The following PLCE1 variants were observed in gnomAD, a reference collection of about 807,000 sequenced individuals.
The protein encoded by PLCE1 is 1-phosphatidylinositol 4,5-bisphosphate phosphodiesterase epsilon-1.
PLCE1 carries 119 observed loss-of-function variants against 242.8 expected under a neutral mutation model. The ratio of observed to expected loss-of-function variants is 0.49; its 90% confidence interval spans 0.42 to 0.57. PLCE1 has a LOEUF of 0.57. Among genes scored for constraint, PLCE1 ranks in the 20% least tolerant of loss-of-function variants. The probability of loss-of-function intolerance (pLI) is 0.00; values close to 1 mark genes in which losing one functional copy is unlikely to be tolerated. For missense variants in PLCE1, 2,441 were observed against 2,788.8 expected (o/e 0.88, Z 2.81); for synonymous variants, 945 against 1,017.4 (o/e 0.93, Z 1.35).
At chr10:94,191,236 C>T (rs1291760866) in intron 4 of PLCE1, among the ~76,000 whole-genome samples, 1 of 152,192 alleles carries the variant, frequency 6.6e-6, no homozygotes, top group Non-Finnish European at 1.5e-5. Flanking sequence ...CATTACTCTC[C>T]TCTCCCTAAA....
At chr10:94,281,114 A>G (rs899705038) in intron 20 of PLCE1, among the ~76,000 whole-genome samples, 1 of 152,202 alleles carries the variant, frequency 6.6e-6, no homozygotes, top group Admixed American at 6.6e-5. Flanking sequence ...TGGGAATGTG[A>G]ATTTTTTATA....
At chr10:93,996,450 G>T (rs2060825263) in intron 1 of PLCE1, among the ~76,000 whole-genome samples, 1 of 152,190 alleles carries the variant, frequency 6.6e-6, no homozygotes, top group Admixed American at 6.5e-5. Flanking sequence ...GGGGTGGAAG[G>T]TTCTGATAGG....
At chr10:94,065,672 G>A (rs1417208118) in intron 2 of PLCE1, among the ~76,000 whole-genome samples, 1 of 152,154 alleles carries the variant, frequency 6.6e-6, no homozygotes, top group Non-Finnish European at 1.5e-5. Flanking sequence ...TTATACAAAA[G>A]AAGGCCTTTA....
At chr10:94,252,606 G>C in intron 9 of PLCE1, 108 bp downstream of exon 9, 1 of 942,318 alleles carries the variant, frequency 1.1e-6, no homozygotes. Flanking sequence ...ACAAAGTCAG[G>C]TATAAAATAG....
At chr10:94,302,183 C>A (rs533484484) in intron 24 of PLCE1, among the ~76,000 whole-genome samples, 1 of 152,086 alleles carries the variant, frequency 6.6e-6, no homozygotes, top group Non-Finnish European at 1.5e-5. Flanking sequence ...TCAAACCGTG[C>A]GGCTCTACGT....
chr10:94,060,331 A>G (rs1406994154), intron 2 of PLCE1, among the ~76,000 whole-genome samples: 1 of 152,226 alleles, frequency 6.6e-6, no homozygotes, highest in Non-Finnish European at 1.5e-5. Context: ...TCAATACATT[A>G]GGAATACTAT....
intron 1 of PLCE1, among the ~76,000 whole-genome samples, chr10:94,004,805 G>A (rs535936614): frequency 6.6e-6 from 1 of 152,236 alleles, no homozygotes; most frequent in Non-Finnish European, 1.5e-5. Flanking sequence ...GGTCCCCACA[G>A]CAACTGCCCA....
In PLCE1 at chr10:94,130,781, T is replaced by C. The variant is rs573260372; in HGVS notation, c.1207-1393T>C. Among the ~76,000 whole-genome samples, 7 of 152,318 alleles carry C rather than the reference T, an allele frequency of 4.6e-5. No individual in the cohort carries two copies. The East Asian group carries it at 1.2e-3, about 25-fold the overall frequency. On this transcript the variant is annotated intron_variant, in intron 2 of 32. Transcript: ENST00000371380. ...TAGGGTCTACACAGTTTGAATATCA[T>C]AGGACTCGGTGCATTCTGGGGTATC...
At chr10:94,221,771 A>AG (rs1436482747) in intron 4 of PLCE1, among the ~76,000 whole-genome samples, 1 of 152,166 alleles carries the variant, frequency 6.6e-6, no homozygotes, top group East Asian at 1.9e-4. Context: ...GAAGGAAAGT[A>AG]GCTCTGTCTA....
chr10:94,095,707 T>TC (rs1277234464), intron 2 of PLCE1, among the ~76,000 whole-genome samples: 1 of 152,172 alleles, frequency 6.6e-6, no homozygotes, highest in East Asian at 1.9e-4. Flanking sequence ...ACTAGCCACT[T>TC]CAAGTAAGCT....
Position 94,229,882 on chromosome 10 carries a change from C to T in PLCE1, c.1955+2431C>T, listed in dbSNP as rs1049600224. The stretch of plus-strand genomic sequence containing the variant: ...TACAGATAGATAGGCGAAAGTACCA[C>T]GTATAATAGGTCTTTTGTTGACAGC... On this transcript the variant is annotated intron_variant, in intron 5 of 32. Transcript: ENST00000371380. Among the ~76,000 whole-genome samples the T allele has an allele frequency of 3.3e-5, 5 of 152,158 alleles. No homozygotes were observed. In the South Asian group the frequency reaches 8.3e-4, roughly 25 times the overall value.
chr10:94,294,082 G>A (rs1008812716), intron 23 of PLCE1, among the ~76,000 whole-genome samples: 6 of 152,062 alleles, frequency 3.9e-5, no homozygotes, highest in African/African-American at 1.4e-4. Context: ...ACCCCAGCCT[G>A]GGTGACAGAG....
chr10:94,046,198 A>C (rs11187777), intron 2 of PLCE1, among the ~76,000 whole-genome samples: 34,630 of 152,094 alleles, frequency 0.23, 4,239 homozygotes, highest in East Asian at 0.44. Context: ...GTTTCTTTCC[A>C]TCCTTCACTT....
In PLCE1 at chr10:94,163,915, T is replaced by G. The variant is rs374348338; in HGVS notation, c.1493-7265T>G. Among the ~76,000 whole-genome samples, 28 of 152,286 alleles carry G rather than the reference T, an allele frequency of 1.8e-4. No homozygotes were observed. The East Asian group carries it at 5.2e-3, about 28-fold the overall frequency. ...TTATTTCTCCTTCACTTATGAAGCT[T>G]AGTTTGGCTGGATATGAAATTCTGG... On this transcript the variant is annotated intron_variant, in intron 3 of 32. Coordinates refer to ENST00000371380, the MANE Select transcript of PLCE1 (RefSeq NM_016341.4).
Position 94,114,298 on chromosome 10 carries a change from C to T in PLCE1, c.1207-17876C>T, listed in dbSNP as rs1240726643. 4.6e-5 allele frequency among the ~76,000 whole-genome samples: 7 copies of T among 152,218 alleles called. 1 individual carries two copies. Among genetic ancestry groups the T allele is most frequent in the Non-Finnish European group, 1.0e-4 (7 of 68,040 alleles). ...GAGCAAATTGGGCTCCCCAGCTTTT[C>T]TTTTCCTTCTCAGTGAGACAGATGA... On this transcript the variant is annotated intron_variant, in intron 2 of 32. Transcript: ENST00000371380.
At chr10:94,035,187 T>C (rs2134547954) in intron 2 of PLCE1, among the ~76,000 whole-genome samples, 1 of 152,318 alleles carries the variant, frequency 6.6e-6, no homozygotes, top group Non-Finnish European at 1.5e-5. Context: ...AAAAATCATG[T>C]ACACTCGAAC....
chr10:94,321,002 T>A (rs564233550), intron 29 of PLCE1, among the ~76,000 whole-genome samples: 3 of 152,272 alleles, frequency 2.0e-5, no homozygotes, highest in Admixed American at 2.0e-4. Context: ...TGTTTGAAAA[T>A]TTTTAATAAG....
chr10:94,283,900 A>C lies in PLCE1; in HGVS notation c.4906A>C (p.Asn1636His), dbSNP rs2052340787. 6.2e-7 allele frequency: 1 copy of C among 1,611,370 alleles called. No individual in the cohort carries two copies. The highest frequency in any genetic ancestry group is 8.5e-7 in the Non-Finnish European group (1 of 1,178,202). ...AAAGAAAGCAGATAACTCTGCTTGC[A>C]ACAAAGGAAAGGTGGGTGAACGGTT... is the stretch of plus-strand genomic sequence containing the variant. The part of the protein sequence containing the change: ...RIKKADNSAC[N>H]KGKVYDMELG... The change falls in exon 21 of 33, where the codon AAC (asparagine) becomes CAC (histidine). Residue 1636 changes from asparagine to histidine, a missense_variant. Asn to His is a moderately conservative substitution (Grantham distance 68, BLOSUM62 1). Around this residue, in one of 5 missense-constraint regions of PLCE1, gnomAD observed 1,004 missense variants for 1,322.7 expected, o/e 0.76. Coordinates refer to ENST00000371380, the MANE Select transcript of PLCE1 (RefSeq NM_016341.4).
rs757579659 is a variant in PLCE1 at position 94,279,782 on chromosome 10, G to C, written c.4666G>C (p.Ala1556Pro). The C allele has an allele frequency of 1.2e-6, 2 of 1,613,674 alleles. No homozygotes were observed. The highest frequency in any genetic ancestry group is 1.7e-5 in the Admixed American group (1 of 59,988). ...QTPVDILKQK[A>P]HQLASMQVQA... The stretch of plus-strand genomic sequence containing the variant: ...GTTTACAATTATTGCTATTTTACAG[G>C]CTCATCAGTTAGCATCTATGCAAGT... Residue 1556 changes from alanine (A) to proline (P), a missense_variant and splice_region_variant, in exon 20 of 33, where the codon GCT becomes CCT. Transcript: ENST00000371380.
Sources: gnomAD v4.1 joint callset for allele counts (sites outside exome capture counted in the v4.1 genomes callset) on GRCh38, gnomAD v4.1.1 for gene constraint, gnomAD v4.1.1 regional missense constraint, MANE v1.5 for transcripts, NCBI Gene and HGNC (gene_info 2026-07-23, HGNC 2026-07-21) for gene names.